Variants in KLHL40 observed in about 807,000 individuals in gnomAD.
KLHL40 encodes kelch like family member 40, also known as kelch-like protein 40.
In KLHL40, 44 loss-of-function variants were observed where a neutral mutation model predicts 49.7. The ratio of observed to expected loss-of-function variants is 0.89; its 90% CI spans 0.70 to 1.14. The LOEUF (loss-of-function observed/expected upper bound fraction) is 1.14, where lower values mean the gene tolerates loss of function less well. KLHL40 is among the 50% of genes most tolerant of loss of function. The pLI is 0.00. For missense variants in KLHL40, 892 were observed against 850.3 expected (o/e 1.05, Z -0.61); for synonymous variants, 409 against 365.2 (o/e 1.12, Z -1.37).
At position 42,692,544 on chromosome 3, in the gene KLHL40, C is replaced by A. The variant is rs953047387; in HGVS notation, c.*551C>A. On this transcript the variant is annotated 3_prime_UTR_variant, in exon 6 of 6. Transcript: ENST00000287777. The stretch of plus-strand genomic sequence containing the variant: ...ATGGTCTCTGCTCTCCATCTGGTGT[C>A]CCCTCCACCCTATGGGTGGGAACCC... 12 of 883,130 alleles carry A rather than the reference C, an allele frequency of 1.4e-5. No individual in the cohort carries two copies. In the African/African-American group the frequency reaches 1.9e-4, roughly 14 times the overall value. The allele number at this position is 883,130 out of a possible 1,614,324, so 54.7% of individuals were successfully genotyped here.
At position 42,688,106 on chromosome 3, in the gene KLHL40, TG is replaced by T. The variant is rs755383206; in HGVS notation, c.1153-30del. The T allele has an allele frequency of 5.0e-6, 8 of 1,607,436 alleles. No individual in the cohort carries two copies. The highest frequency in any genetic ancestry group is 6.8e-6 in the Non-Finnish European group (8 of 1,177,932). ...TGGGGCTGGGCTGAGGCTGGGGGAGTGGGGGGCGGTAGCTGACTGGACACCT... is the reference window on the plus strand; with the variant it reads ...TGGGGCTGGGCTGAGGCTGGGGGAGTGGGGGCGGTAGCTGACTGGACACCT... On this transcript the variant is annotated intron_variant, in intron 1 of 5. Transcript: ENST00000287777. This position sits in a 1 kb window ranked among gnomAD's most constrained non-coding sequence, Gnocchi z 4.2.
chr3:42,690,656 C>T (rs1438700430), intron 4 of KLHL40, among the ~76,000 whole-genome samples: 1 of 150,748 alleles, frequency 6.6e-6, no homozygotes, highest in Non-Finnish European at 1.5e-5. Flanking sequence ...GGCAAGAGGA[C>T]AAGGAAAGGA....
intron 5 of KLHL40, among the ~76,000 whole-genome samples, chr3:42,691,633 T>C (rs1210789594): frequency 1.3e-5 from 2 of 151,730 alleles, no homozygotes; most frequent in African/African-American, 2.4e-5. Context: ...AGGGGAACTT[T>C]GAGGAATATG....
rs1168942955 is a variant in KLHL40, at chr3:42,686,681, G to A, written c.1063G>A (p.Val355Ile). The change falls in exon 1 of 6, where the codon GTT becomes ATT. Residue 355 changes from valine (V) to isoleucine (I), a missense_variant. Transcript: ENST00000287777. ...GGTCCCCAAGAACCACGTCAGCCTG[G>A]TTACCAAGGAGAACCAGGTCTTCGT... is the stretch of plus-strand genomic sequence containing the variant. ...NQVPKNHVSL[V>I]TKENQVFVAG... is the part of the protein sequence containing the mutation. The A allele has an allele frequency of 2.5e-6, 4 of 1,613,832 alleles. No individual in the cohort carries two copies. Among genetic ancestry groups the A allele is most frequent in the Non-Finnish European group, 3.4e-6 (4 of 1,180,018 alleles).
chr3:42,689,114 C>T, intron 4 of KLHL40, 60 bp downstream of exon 4: 3 of 1,452,468 alleles, frequency 2.1e-6, no homozygotes, highest in Non-Finnish European at 2.8e-6. Context: ...TCTGTCAGCC[C>T]CAGCAGGAGC....
Position 42,686,109 on chromosome 3 carries a change from C to G in KLHL40, c.491C>G (p.Ala164Gly). 1 of 1,600,660 alleles carries G rather than the reference C, an allele frequency of 6.2e-7. No homozygotes were observed. The highest frequency in any genetic ancestry group is 8.5e-7 in the Non-Finnish European group (1 of 1,179,422). The change falls in exon 1 of 6, where the codon GCG (alanine) becomes GGG (glycine). Residue 164 changes from alanine (A) to glycine (G), a missense_variant. Transcript: ENST00000287777. ...ATCTGCGCTCACTTCACGCTGGTGG[C>G]GCGCGACGCTGACTTCCTCGGACTC... Reference protein sequence around the residue: ...DFICAHFTLVARDADFLGLSA... With the variant: ...DFICAHFTLVGRDADFLGLSA...
At chr3:42,689,081 G>A (rs747303479) in intron 4 of KLHL40, 27 bp downstream of exon 4, 9 of 1,586,638 alleles carry the variant, frequency 5.7e-6, no homozygotes, top group Non-Finnish European at 7.8e-6. Flanking sequence ...CTTCCGCCAA[G>A]GACAACTGCA....
intron 5 of KLHL40, 107 bp downstream of exon 5, chr3:42,691,112 C>A: frequency 8.6e-7 from 1 of 1,156,654 alleles, no homozygotes; most frequent in Non-Finnish European, 1.2e-6. Context: ...GGGGGCAAAG[C>A]GGATCCCTCT....
intron 4 of KLHL40, 126 bp downstream of exon 4, chr3:42,689,180 G>C (rs927107150): frequency 3.6e-6 from 3 of 830,964 alleles, no homozygotes; most frequent in African/African-American, 3.4e-5. Context: ...ATAGAAATAG[G>C]CTTTCTCTCC....
chr3:42,690,436 T>C (rs746301810), intron 4 of KLHL40, among the ~76,000 whole-genome samples: 14 of 151,964 alleles, frequency 9.2e-5, no homozygotes, highest in Non-Finnish European at 1.5e-4. Flanking sequence ...TGAGAACAAC[T>C]GGGCTGTGAA....
chr3:42,686,680 G>A lies in KLHL40; in HGVS notation c.1062G>A (p.Leu354=), dbSNP rs140334551. ...SNQVPKNHVS[L]VTKENQVFVA... The stretch of plus-strand genomic sequence containing the variant: ...AGGTCCCCAAGAACCACGTCAGCCT[G>A]GTTACCAAGGAGAACCAGGTCTTCG... Residue 354 remains leucine, a synonymous_variant, in exon 1 of 6, where the codon CTG becomes CTA. Coordinates refer to ENST00000287777, the MANE Select transcript of KLHL40 (RefSeq NM_152393.4). 26 of 1,613,712 alleles carry A rather than the reference G, an allele frequency of 1.6e-5. No homozygotes were observed. In the African/African-American group the frequency reaches 2.4e-4, roughly 15 times the overall value.
Position 42,686,163 on chromosome 3 carries a change from C to T in KLHL40, c.545C>T (p.Ser182Phe), listed in dbSNP as rs931323400. 4 of 1,591,968 alleles carry T rather than the reference C, an allele frequency of 2.5e-6. No individual in the cohort carries two copies. The highest frequency in any genetic ancestry group is 3.4e-6 in the Non-Finnish European group (4 of 1,173,900). The change falls in exon 1 of 6, where the codon TCC (serine) becomes TTC (phenylalanine). Residue 182 changes from serine (S) to phenylalanine (F), a missense_variant. Ser to Phe is a radical substitution (Grantham distance 155, BLOSUM62 -2). Transcript: ENST00000287777. ...LSADELIAII[S>F]SDGLNVEKEE... The stretch of plus-strand genomic sequence containing the variant: ...GCCGACGAGCTCATCGCCATCATCT[C>T]CAGCGACGGCCTTAACGTGGAGAAG...
chr3:42,690,434 A>G (rs1697344172), intron 4 of KLHL40, among the ~76,000 whole-genome samples: 1 of 152,190 alleles, frequency 6.6e-6, no homozygotes, highest in African/African-American at 2.4e-5. Context: ...ATTGAGAACA[A>G]CTGGGCTGTG....
At chr3:42,691,619 C>T (rs1426426591) in intron 5 of KLHL40, among the ~76,000 whole-genome samples, 1 of 151,878 alleles carries the variant, frequency 6.6e-6, no homozygotes, top group Non-Finnish European at 1.5e-5. Flanking sequence ...GTAGACCTTC[C>T]TGGAGGGGAA....
Position 42,689,561 on chromosome 3 carries a change from G to A in KLHL40, c.1607+507G>A, listed in dbSNP as rs538203878. ...GGGTGGGTGATGGAGTTGGGATGGC[G>A]GTGCTGGGGCTGGAGCGGGGGCCAG... On this transcript the variant is annotated intron_variant, in intron 4 of 5. Transcript: ENST00000287777. Among the ~76,000 whole-genome samples, 18 of 152,130 alleles carry A rather than the reference G, an allele frequency of 1.2e-4. No individual in the cohort carries two copies. In the South Asian group the frequency reaches 2.1e-3, roughly 18 times the overall value.
At chr3:42,690,209 A>T (rs1697341044) in intron 4 of KLHL40, among the ~76,000 whole-genome samples, 1 of 152,102 alleles carries the variant, frequency 6.6e-6, no homozygotes, top group Non-Finnish European at 1.5e-5. Context: ...TGTAAATGGG[A>T]GGAGCTGAGG....
intron 4 of KLHL40, 32 bp from the exon 5 acceptor site, chr3:42,690,827 T>C (rs1208220659): frequency 3.9e-6 from 6 of 1,558,134 alleles, no homozygotes; most frequent in Non-Finnish European, 4.3e-6. Context: ...TGCCGAGGCA[T>C]CCCAATGATG....
Position 42,688,974 on chromosome 3 carries a change from T to TG in KLHL40, c.1529dup (p.Arg511ProfsTer38). 3.1e-6 allele frequency: 5 copies of TG among 1,614,190 alleles called. No homozygotes were observed. Among genetic ancestry groups the TG allele is most frequent in the Non-Finnish European group, 4.2e-6 (5 of 1,180,030 alleles). On this transcript the variant is annotated frameshift_variant, in exon 4 of 6. Transcript: ENST00000287777. LOFTEE classifies it high-confidence loss of function. The surrounding 1 kb of genome is among the most constrained non-coding windows in gnomAD (Gnocchi z 4.2). ...CACTCTTTGGGGCCACTGTCCATGA[T>TG]GGCCGCATTATCGTGGCAGCTGGGG...
rs970002648 is a variant in KLHL40, at chr3:42,686,308, G to T, written c.690G>T (p.Pro230=). Residue 230 remains proline, a synonymous_variant, in exon 1 of 6, where the codon CCG becomes CCT. Transcript: ENST00000287777. ...VFESVRCRLL[P]RAFLESRVER... The stretch of plus-strand genomic sequence containing the variant: ...AGAGCGTGCGCTGCCGCTTGCTGCC[G>T]CGCGCCTTTCTGGAAAGCCGCGTGG... 8 of 1,598,586 alleles carry T rather than the reference G, an allele frequency of 5.0e-6. No individual in the cohort carries two copies. The highest frequency in any genetic ancestry group is 6.0e-6 in the Non-Finnish European group (7 of 1,172,660).
Sources: allele counts gnomAD v4.1 joint callset (sites outside exome capture counted in the v4.1 genomes callset), GRCh38; gene constraint gnomAD v4.1.1; non-coding constraint Gnocchi (gnomAD v3.1); transcripts MANE v1.5; gene names NCBI Gene and HGNC (gene_info 2026-07-23, HGNC 2026-07-21).